Variants in ARHGAP32 observed in about 807,000 individuals in gnomAD.
The protein encoded by ARHGAP32 is rho GTPase-activating protein 32.
Under a neutral mutation model 186.5 loss-of-function variants are expected in ARHGAP32, and 51 were observed. The ratio of observed to expected loss-of-function variants is 0.27; its 90% CI spans 0.22 to 0.35. The LOEUF is 0.35. Among genes scored for constraint, ARHGAP32 ranks in the 10% least tolerant of loss-of-function variants. The pLI is 1.00. For synonymous variants in ARHGAP32, 950 were observed against 964.3 expected, an observed-to-expected ratio of 0.99 and a Z score of 0.27; for missense variants, 2,186 against 2,623.5, an observed-to-expected ratio of 0.83 and a Z score of 3.64.
intron 2 of ARHGAP32, among the ~76,000 whole-genome samples, chr11:129,139,627 C>G (rs1943007852): frequency 6.6e-6 from 1 of 152,036 alleles, no homozygotes. Context: ...CTCACGAGAT[C>G]TGACAGTTTT....
chr11:129,214,955 T>C (rs1944627275), intron 1 of ARHGAP32, among the ~76,000 whole-genome samples: 1 of 152,204 alleles, frequency 6.6e-6, no homozygotes, highest in South Asian at 2.1e-4. Flanking sequence ...CAGGACAGTT[T>C]GTCCATCACT....
chr11:129,122,706 A>C (rs960178752), intron 5 of ARHGAP32, among the ~76,000 whole-genome samples: 1 of 152,114 alleles, frequency 6.6e-6, no homozygotes, highest in Non-Finnish European at 1.5e-5. Flanking sequence ...TGTGACACAA[A>C]TCAGTCATGT....
Position 129,123,967 on chromosome 11 carries a change from T to C in ARHGAP32, c.318-38A>G, listed in dbSNP as rs1309747433. The C allele has an allele frequency of 7.8e-7, 1 of 1,275,998 alleles. No homozygotes were observed. The highest frequency in any genetic ancestry group is 1.0e-6 in the Non-Finnish European group (1 of 977,862). 79.0% of individuals were successfully genotyped at this position (1,275,998 alleles called of 1,614,324 possible). On this transcript the variant is annotated intron_variant, in intron 3 of 22. Transcript: ENST00000682385. The surrounding 1 kb of genome is among the most constrained non-coding windows in gnomAD (Gnocchi z 4.6). ...TGAACATTTTTATCCTTGTCTTTCC[T>C]CTACTTACACATGAAGCATAACTAT...
chr11:129,041,492 T>TAAAA (rs5795655), intron 10 of ARHGAP32, among the ~76,000 whole-genome samples: 1 of 130,390 alleles, frequency 7.7e-6, no homozygotes, highest in Non-Finnish European at 1.6e-5. Flanking sequence ...CCAGGTTTCA[T>TAAAA]AAAAAAAAAA....
chr11:129,207,563 T>C (rs1944529556), intron 1 of ARHGAP32, among the ~76,000 whole-genome samples: 1 of 152,170 alleles, frequency 6.6e-6, no homozygotes, highest in Admixed American at 6.5e-5. Context: ...GTTCATATCC[T>C]TTGGCCACTT....
chr11:129,272,068 TGAA>T (rs1394963223), intron 1 of ARHGAP32, among the ~76,000 whole-genome samples: 4 of 151,994 alleles, frequency 2.6e-5, no homozygotes, highest in Admixed American at 2.0e-4. Flanking sequence ...GAATCACTGG[TGAA>T]GAAGAAGGTA....
intron 9 of ARHGAP32, 126 bp from the exon 10 acceptor site, chr11:129,062,483 C>A: frequency 1.7e-6 from 1 of 598,978 alleles, no homozygotes. Context: ...CAGTAATTTC[C>A]AAAAAAAGTA....
intron 2 of ARHGAP32, among the ~76,000 whole-genome samples, chr11:129,151,199 G>A (rs1210072820): frequency 2.0e-5 from 3 of 152,024 alleles, no homozygotes; most frequent in Admixed American, 1.3e-4. Flanking sequence ...AAATATATAC[G>A]CACTTAACAC....
Position 129,089,037 on chromosome 11 carries a change from A to G in ARHGAP32, c.531+4584T>C, listed in dbSNP as rs573224974. Among the ~76,000 whole-genome samples, 22 of 151,462 alleles carry G rather than the reference A, an allele frequency of 1.5e-4. No homozygotes were observed. The South Asian group carries it at 4.2e-3, about 29-fold the overall frequency. ...AAAAAAAGAGCAAGCATTACTACCA[A>G]TTACTACCAACTACTACTATCCAAG... On this transcript the variant is annotated intron_variant, in intron 6 of 22. Coordinates refer to ENST00000682385, the MANE Select transcript of ARHGAP32 (RefSeq NM_001378024.1).
chr11:129,072,954 T>C (rs549923984), intron 6 of ARHGAP32, among the ~76,000 whole-genome samples: 5 of 152,234 alleles, frequency 3.3e-5, no homozygotes, highest in African/African-American at 1.2e-4. Flanking sequence ...AGCTTTCCAC[T>C]GGGGAGAAGA....
At position 128,970,210 on chromosome 11, in the gene ARHGAP32, G is replaced by A. The variant is rs886581166; in HGVS notation, c.5003C>T (p.Ser1668Phe). ...GRVHYRYSPY[S>F]SSSSSYYSPD... ...ACTGTAATAGGAACTAGAAGAACTG[G>A]AATATGGGCTATACCTGTAGTGGAC... Residue 1668 changes from serine (S) to phenylalanine (F), a missense_variant, in exon 23 of 23, where the codon TCC becomes TTC. Coordinates refer to ENST00000682385, the MANE Select transcript of ARHGAP32 (RefSeq NM_001378024.1). The surrounding 1 kb of genome is among the most constrained non-coding windows in gnomAD (Gnocchi z 5.8). 2.5e-6 allele frequency: 4 copies of A among 1,614,190 alleles called. No individual in the cohort carries two copies. Among genetic ancestry groups the A allele is most frequent in the Non-Finnish European group, 2.5e-6 (3 of 1,180,034 alleles).
intron 11 of ARHGAP32, among the ~76,000 whole-genome samples, chr11:128,999,018 C>T (rs759939091): frequency 9.9e-5 from 15 of 152,090 alleles, no homozygotes; most frequent in Admixed American, 3.3e-4. Flanking sequence ...TCTGGGCATC[C>T]AAAAAGAACA....
chr11:129,214,803 A>G (rs528391525), intron 1 of ARHGAP32, among the ~76,000 whole-genome samples: 1 of 152,364 alleles, frequency 6.6e-6, no homozygotes, highest in East Asian at 1.9e-4. Context: ...AGGGCCAGAT[A>G]ATAAATAGTT....
At chr11:129,257,074 G>T (rs1310136732) in intron 1 of ARHGAP32, among the ~76,000 whole-genome samples, 2 of 152,138 alleles carry the variant, frequency 1.3e-5, no homozygotes, top group Non-Finnish European at 2.9e-5. Flanking sequence ...AGTAGGAAGG[G>T]AAGCTAAGAC....
At chr11:129,250,461 T>C (rs575349344) in intron 1 of ARHGAP32, among the ~76,000 whole-genome samples, 21 of 152,238 alleles carry the variant, frequency 1.4e-4, no homozygotes, top group Non-Finnish European at 2.8e-4. Context: ...TTAATATTGA[T>C]AGCCATGATG....
chr11:128,970,627 T>G lies in ARHGAP32; in HGVS notation c.4586A>C (p.Glu1529Ala), dbSNP rs1331293329. The G allele has an allele frequency of 1.9e-6, 3 of 1,614,204 alleles. No individual in the cohort carries two copies. Among genetic ancestry groups the G allele is most frequent in the Non-Finnish European group, 1.7e-6 (2 of 1,180,036 alleles). ...CCTGGCACCATACACTTGGTGCTGCTCCAATTTATTGTGATGGGGAGGTAC... is the reference window on the plus strand; with the variant it reads ...CCTGGCACCATACACTTGGTGCTGCGCCAATTTATTGTGATGGGGAGGTAC... ...QSVPPHHNKLEQHQVYGARSE... is the reference protein window; with the variant it reads ...QSVPPHHNKLAQHQVYGARSE... The change falls in exon 23 of 23, where the codon GAG becomes GCG. Residue 1529 changes from glutamate to alanine, a missense_variant. Physicochemically the swap from Glu to Ala is moderately radical, Grantham distance 107. Around this residue, in one of 5 missense-constraint regions of ARHGAP32, gnomAD observed 1,502 missense variants for 1,570.0 expected, o/e 0.96. Coordinates refer to ENST00000682385, the MANE Select transcript of ARHGAP32 (RefSeq NM_001378024.1). This position sits in a 1 kb window ranked among gnomAD's most constrained non-coding sequence, Gnocchi z 5.8.
Position 129,192,250 on chromosome 11 carries a change from C to A in ARHGAP32, c.-52G>T. The A allele has an allele frequency of 7.7e-7, 1 of 1,299,888 alleles. No individual in the cohort carries two copies. The allele number at this position is 1,299,888 out of a possible 1,614,324, so 80.5% of individuals were successfully genotyped here. A position where few individuals can be genotyped will look rare whatever the true frequency, so the allele number is the denominator to read the frequency against. The stretch of plus-strand genomic sequence containing the variant: ...AAACCTCCAGGCATGGAATAAAAAG[C>A]ACCAACATTCAGGTTGTTCAGCTCT... On this transcript the variant is annotated 5_prime_UTR_variant, in exon 1 of 23. Transcript: ENST00000682385.
chr11:129,129,296 A>G (rs1430880422), intron 2 of ARHGAP32, among the ~76,000 whole-genome samples: 1 of 140,982 alleles, frequency 7.1e-6, no homozygotes, highest in East Asian at 2.1e-4. Context: ...GGAAGTGAGG[A>G]CCCCCTCCGC....
At chr11:129,269,864 C>T (rs756384023) in intron 1 of ARHGAP32, among the ~76,000 whole-genome samples, 2 of 152,072 alleles carry the variant, frequency 1.3e-5, no homozygotes, top group Admixed American at 6.5e-5. Context: ...ACTGACAACA[C>T]CAAATGTGGA....
Sources: gnomAD v4.1 joint callset for allele counts (sites outside exome capture counted in the v4.1 genomes callset) on GRCh38, gnomAD v4.1.1 for gene constraint, gnomAD v4.1.1 regional missense constraint, Gnocchi (gnomAD v3.1) non-coding constraint, MANE v1.5 for transcripts, NCBI Gene and HGNC (gene_info 2026-07-23, HGNC 2026-07-21) for gene names.